ANKS1B: variants seen among roughly 807,000 people sequenced by gnomAD.
ANKS1B encodes ankyrin repeat and sterile alpha motif domain-containing protein 1B.
A neutral mutation model predicts 148.3 loss-of-function variants in ANKS1B; 36 were observed. The observed-to-expected ratio is 0.24, with a 90% CI of 0.19 to 0.32. The LOEUF is 0.32. Among genes scored for constraint, ANKS1B ranks in the 10% least tolerant of loss-of-function variants. ANKS1B has a pLI of 1.00. For missense variants in ANKS1B, 1,157 were observed against 1,542.6 expected (o/e 0.75, Z 4.19); for synonymous variants, 542 against 560.8 (o/e 0.97, Z 0.47).
rs375887766 is a variant in ANKS1B, at chr12:99,071,555, A to G, written c.2625+13370T>C. Among the ~76,000 whole-genome samples, 5 of 152,068 alleles carry G rather than the reference A, an allele frequency of 3.3e-5. No homozygotes were observed. In the East Asian group the frequency reaches 9.6e-4, roughly 29 times the overall value. Reference sequence around the variant, plus strand: ...TCTCAGTTCACTTCCATTCCATTCTATGCTATGTATATTTATATTGAGTCC... The same window carrying G: ...TCTCAGTTCACTTCCATTCCATTCTGTGCTATGTATATTTATATTGAGTCC... On this transcript the variant is annotated intron_variant, in intron 16 of 26. Coordinates refer to ENST00000683438, the MANE Select transcript of ANKS1B (RefSeq NM_001352186.2).
intron 8 of ANKS1B, among the ~76,000 whole-genome samples, chr12:99,706,027 T>C (rs1298075984): frequency 6.6e-6 from 1 of 152,140 alleles, no homozygotes; most frequent in African/African-American, 2.4e-5. Context: ...TTATAAATAA[T>C]GTCTGTCGAC....
At chr12:99,109,987 A>G (rs982853012) in intron 15 of ANKS1B, among the ~76,000 whole-genome samples, 2 of 152,222 alleles carry the variant, frequency 1.3e-5, no homozygotes, top group African/African-American at 4.8e-5. Flanking sequence ...ACACCAGCCA[A>G]AACTCAAAGA....
At chr12:99,925,395 T>C (rs1026484545) in intron 1 of ANKS1B, among the ~76,000 whole-genome samples, 1 of 152,152 alleles carries the variant, frequency 6.6e-6, no homozygotes, top group African/African-American at 2.4e-5. Context: ...AAAAGGAAAC[T>C]TGCATTTCTC....
intron 10 of ANKS1B, among the ~76,000 whole-genome samples, chr12:99,474,613 T>A (rs2096287976): frequency 2.6e-5 from 4 of 151,814 alleles, no homozygotes; most frequent in African/African-American, 9.7e-5. Context: ...GCAAACAAAA[T>A]AACAGAAATG....
chr12:99,355,028 C>T (rs1312753858), intron 12 of ANKS1B, among the ~76,000 whole-genome samples: 5 of 152,192 alleles, frequency 3.3e-5, no homozygotes, highest in Admixed American at 2.0e-4. Context: ...TAATAACTAA[C>T]AGTATGATAT....
intron 17 of ANKS1B, among the ~76,000 whole-genome samples, chr12:98,878,900 A>G (rs1231897426): frequency 2.0e-5 from 3 of 152,210 alleles, no homozygotes; most frequent in Non-Finnish European, 2.9e-5. Flanking sequence ...GTTTCGGAAC[A>G]AAAGAAAAAC....
rs11110002 is a variant in ANKS1B, at chr12:99,693,491, T to G, written c.1129-38281A>C. Among the ~76,000 whole-genome samples, 1,468 of 152,282 alleles carry G rather than the reference T, an allele frequency of 9.6e-3. 28 individuals are homozygous for G. The highest frequency in any genetic ancestry group is 0.033 in the African/African-American group (1,375 of 41,554). On this transcript the variant is annotated intron_variant, in intron 8 of 26. Transcript: ENST00000683438. Reference sequence around the variant, plus strand: ...GGTCAAGAGATTTTGTTTTGTATGGTTGGCGGTAAGATGGGATATATCACA... The same window carrying G: ...GGTCAAGAGATTTTGTTTTGTATGGGTGGCGGTAAGATGGGATATATCACA...
chr12:99,583,345 T>C (rs1274937587), intron 9 of ANKS1B, among the ~76,000 whole-genome samples: 1 of 152,182 alleles, frequency 6.6e-6, no homozygotes, highest in African/African-American at 2.4e-5. Context: ...TTCTTAAAAG[T>C]AGGTCTTCAG....
chr12:98,760,710 T>C (rs1169061881), intron 25 of ANKS1B, among the ~76,000 whole-genome samples: 1 of 152,194 alleles, frequency 6.6e-6, no homozygotes, highest in African/African-American at 2.4e-5. Flanking sequence ...GACTTTGAAG[T>C]ATCAAGCTCT....
At chr12:98,772,771 G>A (rs2098604689) in intron 25 of ANKS1B, among the ~76,000 whole-genome samples, 1 of 152,124 alleles carries the variant, frequency 6.6e-6, no homozygotes, top group South Asian at 2.1e-4. Flanking sequence ...TACAAGGCAG[G>A]GAGAGAGGCC....
chr12:99,666,030 T>A (rs1036103447), intron 8 of ANKS1B, among the ~76,000 whole-genome samples: 2 of 152,206 alleles, frequency 1.3e-5, no homozygotes, highest in Admixed American at 1.3e-4. Flanking sequence ...CCTATTTTTT[T>A]AATATATAAG....
At chr12:99,568,928 A>G (rs1332118060) in intron 9 of ANKS1B, among the ~76,000 whole-genome samples, 1 of 152,242 alleles carries the variant, frequency 6.6e-6, no homozygotes, top group East Asian at 1.9e-4. Flanking sequence ...GGCTAGGAAT[A>G]ATAGTTACAA....
chr12:98,927,802 A>C (rs1203151190), intron 17 of ANKS1B, among the ~76,000 whole-genome samples: 1 of 151,834 alleles, frequency 6.6e-6, no homozygotes, highest in East Asian at 1.9e-4. Flanking sequence ...AAATTAAAAT[A>C]GTATACTAGA....
At chr12:99,458,543 A>C (rs2095885791) in intron 10 of ANKS1B, among the ~76,000 whole-genome samples, 1 of 152,056 alleles carries the variant, frequency 6.6e-6, no homozygotes, top group African/African-American at 2.4e-5. Flanking sequence ...AAGAGAGAAG[A>C]TCCAAATAAG....
At chr12:98,780,269 C>T (rs2098721327) in intron 24 of ANKS1B, among the ~76,000 whole-genome samples, 1 of 152,156 alleles carries the variant, frequency 6.6e-6, no homozygotes, top group Non-Finnish European at 1.5e-5. Flanking sequence ...ACCTCTTTTA[C>T]CCTCCTTCTG....
chr12:99,847,852 C>A (rs959951926), intron 1 of ANKS1B, among the ~76,000 whole-genome samples: 1 of 152,238 alleles, frequency 6.6e-6, no homozygotes, highest in South Asian at 2.1e-4. Context: ...GAATAACCGA[C>A]AAATTCAGTC....
At position 99,313,243 on chromosome 12, in the gene ANKS1B, C is replaced by A. The variant is rs567991500; in HGVS notation, c.1757-66379G>T. 9.2e-5 allele frequency among the ~76,000 whole-genome samples: 14 copies of A among 152,120 alleles called. 1 individual carries two copies. The highest frequency in any genetic ancestry group is 8.5e-4 in the Admixed American group (13 of 15,266). Reference sequence around the variant, plus strand: ...GGATGATATCGTATCCCTGAATAGACCAATAACAGTTTGAAATTGAGGCAG... The same window carrying A: ...GGATGATATCGTATCCCTGAATAGAACAATAACAGTTTGAAATTGAGGCAG... On this transcript the variant is annotated intron_variant, in intron 12 of 26. Coordinates refer to ENST00000683438, the MANE Select transcript of ANKS1B (RefSeq NM_001352186.2).
intron 10 of ANKS1B, among the ~76,000 whole-genome samples, chr12:99,447,363 C>A (rs913511542): frequency 6.6e-6 from 1 of 151,974 alleles, no homozygotes; most frequent in Non-Finnish European, 1.5e-5. Flanking sequence ...GTACTTCCAG[C>A]TACTTGAGAA....
At chr12:99,639,395 G>C (rs991473795) in intron 9 of ANKS1B, among the ~76,000 whole-genome samples, 1 of 152,148 alleles carries the variant, frequency 6.6e-6, no homozygotes, top group Admixed American at 6.5e-5. Flanking sequence ...GTGGACTTTT[G>C]AGTAAATGCT....
Sources: gnomAD v4.1 joint callset for allele counts (sites outside exome capture counted in the v4.1 genomes callset) on GRCh38, gnomAD v4.1.1 for gene constraint, MANE v1.5 for transcripts, NCBI Gene and HGNC (gene_info 2026-07-23, HGNC 2026-07-21) for gene names.